LCA5: variants seen among roughly 807,000 people sequenced by gnomAD.
LCA5 encodes the protein lebercilin.
LCA5 carries 37 observed loss-of-function variants against 53.0 expected under a neutral mutation model. That is an observed-to-expected ratio of 0.70 (90% CI 0.54 to 0.92). LCA5 has a LOEUF of 0.92. Ranked by LOEUF, LCA5 falls within the 40% of genes least tolerant of loss-of-function variation. The pLI, the probability that LCA5 is intolerant of heterozygous loss-of-function variation, is 0.00. For missense variants in LCA5, 806 were observed against 790.5 expected, an observed-to-expected ratio of 1.02 and a Z score of -0.23; for synonymous variants, 303 against 282.9, an observed-to-expected ratio of 1.07 and a Z score of -0.71.
At position 79,487,294 on chromosome 6, in the gene LCA5, C is replaced by CT. The variant is rs761896026; in HGVS notation, c.1803dup (p.Ala602SerfsTer2). The CT allele has an allele frequency of 1.2e-6, 2 of 1,612,820 alleles. No individual in the cohort carries two copies. Among genetic ancestry groups the CT allele is most frequent in the Admixed American group, 1.7e-5 (1 of 59,904 alleles). On this transcript the variant is annotated frameshift_variant, in exon 8 of 8. Transcript: ENST00000369846. LOFTEE classifies it high-confidence loss of function. ...CCAAATAACTGTTCCATCAAATTAG[C>CT]TTTTTTCTCTTTTCTTGTAATTAAA...
chr6:79,522,010 T>A (rs1484314493), intron 1 of LCA5, among the ~76,000 whole-genome samples: 1 of 152,160 alleles, frequency 6.6e-6, no homozygotes, highest in Non-Finnish European at 1.5e-5. Flanking sequence ...AGTGTTTAAA[T>A]CCTTGAGTTC....
At chr6:79,492,220 T>C (rs571273181) in intron 5 of LCA5, among the ~76,000 whole-genome samples, 11 of 152,116 alleles carry the variant, frequency 7.2e-5, no homozygotes, top group Non-Finnish European at 1.3e-4. Flanking sequence ...GTATAACTGT[T>C]AAAGCTACAT....
At chr6:79,491,152 C>A (rs1038731745) in intron 6 of LCA5, among the ~76,000 whole-genome samples, 1 of 151,996 alleles carries the variant, frequency 6.6e-6, no homozygotes, top group African/African-American at 2.4e-5. Context: ...AAGACTATGT[C>A]GGTACATAAG....
At chr6:79,506,634 C>T (rs1461920068) in intron 3 of LCA5, among the ~76,000 whole-genome samples, 1 of 152,158 alleles carries the variant, frequency 6.6e-6, no homozygotes, top group Non-Finnish European at 1.5e-5. Context: ...AGCCGAATTA[C>T]TAATGAAGTT....
At chr6:79,516,880 G>A (rs1461588564) in intron 2 of LCA5, among the ~76,000 whole-genome samples, 1 of 151,126 alleles carries the variant, frequency 6.6e-6, no homozygotes, top group Admixed American at 6.6e-5. Flanking sequence ...TAATATTATT[G>A]AAAAAACAAA....
intron 2 of LCA5, among the ~76,000 whole-genome samples, chr6:79,515,070 A>G (rs1006430856): frequency 2.0e-5 from 3 of 152,140 alleles, no homozygotes; most frequent in Admixed American, 2.0e-4. Flanking sequence ...CTCTACATTA[A>G]TTACAACTTT....
chr6:79,517,978 T>C (rs1343393986), intron 2 of LCA5, among the ~76,000 whole-genome samples: 3 of 152,126 alleles, frequency 2.0e-5, no homozygotes, highest in African/African-American at 7.2e-5. Flanking sequence ...TAATGGGTAC[T>C]GTAATTACCT....
chr6:79,495,750 CAAAA>C (rs10637240), intron 3 of LCA5, among the ~76,000 whole-genome samples: 1 of 73,804 alleles, frequency 1.4e-5, no homozygotes, highest in Admixed American at 1.4e-4. Flanking sequence ...GACTCCATCT[CAAAA>C]AAAAAAAAAA....
chr6:79,514,360 A>AT (rs1766363811), intron 2 of LCA5, among the ~76,000 whole-genome samples: 1 of 152,150 alleles, frequency 6.6e-6, no homozygotes, highest in African/African-American at 2.4e-5. Flanking sequence ...AGTAAAAAGA[A>AT]TAACAGGTGC....
At chr6:79,494,552 TAAC>T (rs550029810) in intron 3 of LCA5, among the ~76,000 whole-genome samples, 61 of 151,662 alleles carry the variant, frequency 4.0e-4, no homozygotes, top group African/African-American at 1.5e-3. Context: ...ATAAATAAAA[TAAC>T]AAAAAAATAG....
At chr6:79,500,088 G>T (rs969001992) in intron 3 of LCA5, among the ~76,000 whole-genome samples, 2 of 151,542 alleles carry the variant, frequency 1.3e-5, no homozygotes, top group African/African-American at 4.9e-5. Context: ...TCTTAATCCA[G>T]TCTACCATTG....
intron 3 of LCA5, among the ~76,000 whole-genome samples, chr6:79,511,426 G>C (rs982076296): frequency 6.6e-6 from 1 of 152,156 alleles, no homozygotes; most frequent in Non-Finnish European, 1.5e-5. Context: ...CAAAATTAGA[G>C]AAATAATGAG....
At chr6:79,525,985 T>C (rs1766775450) in intron 1 of LCA5, among the ~76,000 whole-genome samples, 1 of 152,170 alleles carries the variant, frequency 6.6e-6, no homozygotes, top group South Asian at 2.1e-4. Flanking sequence ...TATGGGTGTA[T>C]AGGGATTTAT....
intron 1 of LCA5, among the ~76,000 whole-genome samples, chr6:79,530,383 G>T (rs913048772): frequency 6.6e-6 from 1 of 151,990 alleles, no homozygotes; most frequent in Non-Finnish European, 1.5e-5. Context: ...TGAGGGAGGA[G>T]ATTAGGAAAA....
chr6:79,494,648 ATCTT>A lies in LCA5; in HGVS notation c.721-902_721-899del, dbSNP rs1382232392. Reference sequence around the variant, plus strand: ...TGTATATAATTTGAGACTTTGATATATCTTTCTCAGTAAATAAAACCATAAATAC... The same window carrying A: ...TGTATATAATTTGAGACTTTGATATATCTCAGTAAATAAAACCATAAATAC... On this transcript the variant is annotated intron_variant, in intron 3 of 7. Coordinates refer to ENST00000369846, the MANE Select transcript of LCA5 (RefSeq NM_001122769.3). Among the ~76,000 whole-genome samples, 7 of 152,336 alleles carry A rather than the reference ATCTT, an allele frequency of 4.6e-5. No individual in the cohort carries two copies. In the East Asian group the frequency reaches 1.2e-3, roughly 25 times the overall value.
chr6:79,537,823 C>T (rs1415222918), upstream of LCA5, among the ~76,000 whole-genome samples: 1 of 152,008 alleles, frequency 6.6e-6, no homozygotes, highest in Non-Finnish European at 1.5e-5. Context: ...AAACAAATTA[C>T]AAACAAACTG....
chr6:79,505,196 T>C (rs544237143), intron 3 of LCA5, among the ~76,000 whole-genome samples: 1 of 152,284 alleles, frequency 6.6e-6, no homozygotes, highest in African/African-American at 2.4e-5. Context: ...GGGTAGTTTC[T>C]AAGGACACTG....
At chr6:79,521,621 G>C (rs967558732) in intron 1 of LCA5, among the ~76,000 whole-genome samples, 2 of 152,132 alleles carry the variant, frequency 1.3e-5, no homozygotes, top group Admixed American at 1.3e-4. Flanking sequence ...TGAATTATGA[G>C]TGTCAGTATG....
At chr6:79,521,927 A>G (rs2127684693) in intron 1 of LCA5, among the ~76,000 whole-genome samples, 1 of 152,310 alleles carries the variant, frequency 6.6e-6, no homozygotes, top group East Asian at 1.9e-4. Context: ...AACTTCAAGG[A>G]ACTACTTGCC....
Sources: allele counts gnomAD v4.1 joint callset (sites outside exome capture counted in the v4.1 genomes callset), GRCh38; gene constraint gnomAD v4.1.1; transcripts MANE v1.5; gene names NCBI Gene and HGNC (gene_info 2026-07-23, HGNC 2026-07-21).